ATAD2: variants seen among roughly 807,000 people sequenced by gnomAD.
ATAD2 encodes ATPase family AAA domain containing 2, also known as ATPase family AAA domain-containing protein 2.
In ATAD2, 62 loss-of-function variants were observed where a neutral mutation model predicts 168.9. The observed-to-expected ratio is 0.37, with a 90% CI of 0.30 to 0.45. The LOEUF is 0.45. Ranked by LOEUF, ATAD2 falls within the 20% of genes least tolerant of loss-of-function variation. The pLI is 1.00. For synonymous variants in ATAD2, 613 were observed against 571.6 expected (o/e 1.07, Z -1.03); for missense variants, 1,419 against 1,667.8 (o/e 0.85, Z 2.60).
At chr8:123,336,877 A>G (rs1474738102) in intron 21 of ATAD2, among the ~76,000 whole-genome samples, 2 of 151,902 alleles carry the variant, frequency 1.3e-5, no homozygotes, top group Admixed American at 1.3e-4. Context: ...TAATAATATC[A>G]TGCCTGTAAT....
chr8:123,356,210 A>G, intron 13 of ATAD2, 179 bp downstream of exon 13: 1 of 367,710 alleles, frequency 2.7e-6, no homozygotes, highest in South Asian at 5.2e-5. Flanking sequence ...GAATACAGGT[A>G]TGAGCCACTG....
At chr8:123,369,331 T>A (rs1291889384) in intron 7 of ATAD2, 156 bp from the exon 8 acceptor site, 1 of 237,266 alleles carries the variant, frequency 4.2e-6, no homozygotes, top group African/African-American at 2.3e-5. Flanking sequence ...AATATTTTGC[T>A]GTTCATATTT....
At chr8:123,374,596 T>C (rs1173440273) in intron 2 of ATAD2, among the ~76,000 whole-genome samples, 2 of 152,120 alleles carry the variant, frequency 1.3e-5, no homozygotes, top group African/African-American at 4.8e-5. Flanking sequence ...CTTCCAAGGG[T>C]TGGTAAACTT....
intron 1 of ATAD2, among the ~76,000 whole-genome samples, chr8:123,392,265 C>G (rs1463703661): frequency 6.6e-6 from 1 of 152,032 alleles, no homozygotes; most frequent in African/African-American, 2.4e-5. Context: ...GAGAAAAATA[C>G]TTAAAAATAG....
At chr8:123,365,397 A>G (rs1828944989) in intron 8 of ATAD2, among the ~76,000 whole-genome samples, 1 of 152,148 alleles carries the variant, frequency 6.6e-6, no homozygotes, top group Non-Finnish European at 1.5e-5. Context: ...TCAAAATACC[A>G]GCTATCATTC....
intron 8 of ATAD2, 39 bp from the exon 9 acceptor site, chr8:123,361,685 G>C (rs1828829993): frequency 6.6e-7 from 1 of 1,524,954 alleles, no homozygotes; most frequent in South Asian, 1.2e-5. Flanking sequence ...GATAAGGAAG[G>C]GCAGGAAAAA....
At chr8:123,351,160 C>G (rs1396330528) in intron 13 of ATAD2, among the ~76,000 whole-genome samples, 1 of 152,154 alleles carries the variant, frequency 6.6e-6, no homozygotes, top group Non-Finnish European at 1.5e-5. Flanking sequence ...CATTTAAGGT[C>G]AATCAGTGGG....
At chr8:123,389,694 A>G (rs1375130960) in intron 1 of ATAD2, among the ~76,000 whole-genome samples, 1 of 151,540 alleles carries the variant, frequency 6.6e-6, no homozygotes, top group Non-Finnish European at 1.5e-5. Context: ...CTTTAGCTGG[A>G]AACAACGTCT....
chr8:123,348,242 CTGGTG>C lies in ATAD2; in HGVS notation c.1833_1837del (p.His611GlnfsTer28). The stretch of plus-strand genomic sequence containing the variant: ...GTCCAGTGGTTTGGGATTCCAATCC[CTGGTG>C]TGAATCTTTAGAATCTCTTTTCGAG... On this transcript the variant is annotated frameshift_variant, in exon 15 of 28. Transcript: ENST00000287394. LOFTEE classifies it high-confidence loss of function. 1 of 1,600,528 alleles carries C rather than the reference CTGGTG, an allele frequency of 6.2e-7. No individual in the cohort carries two copies. The highest frequency in any genetic ancestry group is 8.5e-7 in the Non-Finnish European group (1 of 1,176,088).
intron 11 of ATAD2, among the ~76,000 whole-genome samples, chr8:123,357,972 T>G (rs1346374322): frequency 1.3e-5 from 2 of 152,210 alleles, no homozygotes. Context: ...TTTTAACAAT[T>G]CATTCATCAT....
At chr8:123,325,782 G>A in intron 26 of ATAD2, 111 bp downstream of exon 26, 6 of 1,400,606 alleles carry the variant, frequency 4.3e-6, no homozygotes, top group Non-Finnish European at 4.8e-6. Context: ...AGGAAAAAAA[G>A]TTTTACTTTT....
intron 19 of ATAD2, chr8:123,342,277 G>T (rs957655312): frequency 1.3e-5 from 2 of 152,090 alleles, no homozygotes; most frequent in Non-Finnish European, 2.9e-5. Context: ...ACCATATCCT[G>T]TTTAATGTGA....
chr8:123,414,092 CAAAAAAA>C (rs57662854), intron 1 of ATAD2, among the ~76,000 whole-genome samples: 1 of 40,590 alleles, frequency 2.5e-5, no homozygotes, highest in African/African-American at 1.1e-4. Context: ...ACTCTTATCT[CAAAAAAA>C]AAAAAAAAAA....
At chr8:123,396,098 G>A in intron 1 of ATAD2, 89 bp downstream of exon 1, 12 of 1,377,540 alleles carry the variant, frequency 8.7e-6, no homozygotes, top group Non-Finnish European at 1.1e-5. Flanking sequence ...CCTGACCGGC[G>A]CCGCCCACCC....
rs1563856212 is a variant in ATAD2, at chr8:123,371,891, A to G, written c.371-56T>C. On this transcript the variant is annotated intron_variant, in intron 3 of 27. Coordinates refer to ENST00000287394, the MANE Select transcript of ATAD2 (RefSeq NM_014109.4). The stretch of plus-strand genomic sequence containing the variant: ...AAACATTTGAAATAATAGTATTTAT[A>G]AAACAATTCTAAAATGAACAATTGA... 5.8e-6 allele frequency: 8 copies of G among 1,368,154 alleles called. No homozygotes were observed. The East Asian group carries it at 1.3e-4, about 23-fold the overall frequency. 84.8% of individuals were successfully genotyped at this position (1,368,154 alleles called of 1,614,324 possible). A position where few individuals can be genotyped will look rare whatever the true frequency, so the allele number is the denominator to read the frequency against.
In ATAD2 at chr8:123,369,828, T is replaced by A; in HGVS notation, c.924A>T (p.Pro308=). Residue 308 remains proline, a synonymous_variant, in exon 7 of 28, where the codon CCA becomes CCT. Transcript: ENST00000287394. Reference sequence around the variant, plus strand: ...AGTATGTATAGCACTTACTTTCCAATGGAGCCTGATAGTAAACAGTAGCTT... The same window carrying A: ...AGTATGTATAGCACTTACTTTCCAAAGGAGCCTGATAGTAAACAGTAGCTT... The part of the protein sequence containing the change: ...QRKATVYYQA[P]LEKPRHQRKP... 22 of 1,609,416 alleles carry A rather than the reference T, an allele frequency of 1.4e-5. No homozygotes were observed. The highest frequency in any genetic ancestry group is 1.9e-5 in the Non-Finnish European group (22 of 1,177,140).
chr8:123,403,548 C>G (rs1395799493), intron 1 of ATAD2, among the ~76,000 whole-genome samples: 1 of 152,096 alleles, frequency 6.6e-6, no homozygotes, highest in African/African-American at 2.4e-5. Context: ...CCAATCCTCC[C>G]ACCTCAGCCT....
Position 123,339,313 on chromosome 8 carries a change from G to T in ATAD2, c.2852C>A (p.Ala951Glu). Reference protein sequence around the residue: ...AAKPPISKKKAVLQALEVLPV... With the variant: ...AAKPPISKKKEVLQALEVLPV... ...TTAACTTTGATATAGAAACTAACCT[G>T]CTTTCTTTTTTGATATAGGAGGCTT... The change falls in exon 20 of 28, where the codon GCA becomes GAA. Residue 951 changes from alanine to glutamate, a missense_variant and splice_region_variant. Ala to Glu is a moderately radical substitution (Grantham distance 107). Transcript: ENST00000287394. The T allele has an allele frequency of 6.5e-7, 1 of 1,549,900 alleles. No individual in the cohort carries two copies. Among genetic ancestry groups the T allele is most frequent in the Non-Finnish European group, 8.7e-7 (1 of 1,146,884 alleles).
intron 19 of ATAD2, among the ~76,000 whole-genome samples, chr8:123,343,551 G>A (rs1024772807): frequency 6.6e-6 from 1 of 152,088 alleles, no homozygotes; most frequent in Non-Finnish European, 1.5e-5. Context: ...AAGTATTTGA[G>A]CTTATCTTCC....
Sources: gnomAD v4.1 joint callset for allele counts (sites outside exome capture counted in the v4.1 genomes callset) on GRCh38, gnomAD v4.1.1 for gene constraint, MANE v1.5 for transcripts, NCBI Gene and HGNC (gene_info 2026-07-23, HGNC 2026-07-21) for gene names.